The following COL25A1 variants were observed in gnomAD, a reference collection of about 807,000 sequenced individuals.
The protein encoded by COL25A1 is collagen alpha-1(XXV) chain.
A neutral mutation model predicts 128.4 loss-of-function variants in COL25A1; 103 were observed. The ratio of observed to expected loss-of-function variants is 0.80; its 90% CI spans 0.68 to 0.94. The LOEUF is 0.94. Ranked by LOEUF, COL25A1 falls within the 40% of genes least tolerant of loss-of-function variation. COL25A1 has a pLI of 0.00. For synonymous variants in COL25A1, 279 were observed against 277.2 expected (o/e 1.01, Z -0.06); for missense variants, 745 against 840.0 (o/e 0.89, Z 1.40).
chr4:108,882,825 C>T (rs898364355), intron 19 of COL25A1, among the ~76,000 whole-genome samples: 1 of 152,054 alleles, frequency 6.6e-6, no homozygotes, highest in Non-Finnish European at 1.5e-5. Flanking sequence ...AAAGATAGAA[C>T]TAAAATTGCT....
At chr4:109,161,669 T>C (rs1375010340) in intron 3 of COL25A1, among the ~76,000 whole-genome samples, 1 of 152,232 alleles carries the variant, frequency 6.6e-6, no homozygotes, top group African/African-American at 2.4e-5. Context: ...TTTTTCCATG[T>C]TTAAACTCTG....
intron 5 of COL25A1, among the ~76,000 whole-genome samples, chr4:109,016,634 C>CTGCAGAAAGGAGCTACCACT (rs542960479): frequency 6.6e-4 from 100 of 152,364 alleles, no homozygotes; most frequent in African/African-American, 2.3e-3. Context: ...GGACTACCAC[C>CTGCAGAAAGGAGCTACCACT]TGCAGAAAGG....
chr4:109,054,177 G>A (rs1761245759), intron 3 of COL25A1, among the ~76,000 whole-genome samples: 1 of 152,132 alleles, frequency 6.6e-6, no homozygotes, highest in Non-Finnish European at 1.5e-5. Flanking sequence ...GATAAAAGTT[G>A]ACTATATGTG....
chr4:108,829,415 CT>C (rs1732801886), intron 32 of COL25A1, among the ~76,000 whole-genome samples: 4 of 151,782 alleles, frequency 2.6e-5, no homozygotes, highest in Admixed American at 2.6e-4. Context: ...ATCTATCTAT[CT>C]ATCTATCTAT....
intron 3 of COL25A1, among the ~76,000 whole-genome samples, chr4:109,152,056 A>C (rs1440972091): frequency 6.6e-6 from 1 of 151,740 alleles, no homozygotes; most frequent in Non-Finnish European, 1.5e-5. Flanking sequence ...TTCAGATTAT[A>C]TGAACAGTTA....
intron 32 of COL25A1, among the ~76,000 whole-genome samples, chr4:108,830,956 T>C: frequency 6.6e-6 from 1 of 152,250 alleles, no homozygotes; most frequent in Non-Finnish European, 1.5e-5. Context: ...GGTTTGATCT[T>C]AGAAATATGA....
At chr4:109,211,221 A>G (rs28545068) in intron 3 of COL25A1, among the ~76,000 whole-genome samples, 66,475 of 143,542 alleles carry the variant, frequency 0.46, 18,925 homozygotes, top group African/African-American at 0.79. Flanking sequence ...ATATATATAT[A>G]TTGTGTGTGT....
Position 108,974,520 on chromosome 4 carries a change from T to C in COL25A1, c.465+13A>G, listed in dbSNP as rs1359967773. 2 of 1,610,816 alleles carry C rather than the reference T, an allele frequency of 1.2e-6. No individual in the cohort carries two copies. Among genetic ancestry groups the C allele is most frequent in the Middle Eastern group, 1.7e-4 (1 of 6,042 alleles). ...ATCTTCACTAACTTTATTTCTGGTA[T>C]GCATTTTCTTACCTTATCGCCTTTT... On this transcript the variant is annotated intron_variant, in intron 7 of 37. Transcript: ENST00000399132.
rs978321720 is a variant in COL25A1, at chr4:109,088,868, G to A, written c.368-38689C>T. On this transcript the variant is annotated intron_variant, in intron 3 of 37. Transcript: ENST00000399132. ...TAGGAGAATAAAGACAGTGATTATA[G>A]AGAACTCTTTCAAGCAGTTTCCTCT... is the stretch of plus-strand genomic sequence containing the variant. 2.6e-5 allele frequency among the ~76,000 whole-genome samples: 4 copies of A among 152,204 alleles called. 1 individual carries two copies. Among genetic ancestry groups the A allele is most frequent in the South Asian group, 4.1e-4 (2 of 4,826 alleles).
At chr4:109,265,573 C>T (rs994200889) in intron 3 of COL25A1, among the ~76,000 whole-genome samples, 1 of 125,692 alleles carries the variant, frequency 8.0e-6, no homozygotes, top group Non-Finnish European at 1.8e-5. Flanking sequence ...GTGTGTTAAA[C>T]AGGAGCAGGA....
At chr4:109,218,177 C>T (rs41395650) in intron 3 of COL25A1, among the ~76,000 whole-genome samples, 13,235 of 151,988 alleles carry the variant, frequency 0.087, 1,211 homozygotes, top group African/African-American at 0.23. Flanking sequence ...CCAGTAATGG[C>T]GAAAATGAAC....
rs1199944880 is a variant in COL25A1 at position 108,886,486 on chromosome 4, G to GTTTTTTTTTTTT, written c.976-2265_976-2264insAAAAAAAAAAAA. ...TGTGTGTGTGTGTGTGTGTGTGTGT[G>GTTTTTTTTTTTT]TGTGTGTTTAGCTCATCAGCTATTT... On this transcript the variant is annotated intron_variant, in intron 18 of 37. Transcript: ENST00000399132. Among the ~76,000 whole-genome samples the GTTTTTTTTTTTT allele has an allele frequency of 2.2e-3, 177 of 79,914 alleles. 3 individuals carry two copies. The highest frequency in any genetic ancestry group is 7.1e-3 in the African/African-American group (165 of 23,246). The allele number at this position is 79,914 out of a possible 152,430, so 52.4% of individuals were successfully genotyped here.
intron 3 of COL25A1, among the ~76,000 whole-genome samples, chr4:109,255,149 T>C (rs545911508): frequency 6.6e-6 from 1 of 152,316 alleles, no homozygotes; most frequent in Non-Finnish European, 1.5e-5. Flanking sequence ...TGATGGGAGA[T>C]CTCTGCCACT....
At position 109,247,108 on chromosome 4, in the gene COL25A1, A is replaced by G. The variant is rs372089045; in HGVS notation, c.367+53475T>C. Among the ~76,000 whole-genome samples the G allele has an allele frequency of 8.5e-5, 13 of 152,374 alleles. No homozygotes were observed. The East Asian group carries it at 1.5e-3, about 18-fold the overall frequency. ...GCTGGGTGTGGTGGTTCATGCCTGT[A>G]ATCCCAGCACTTTGGGAGGCCGAGG... On this transcript the variant is annotated intron_variant, in intron 3 of 37. Coordinates refer to ENST00000399132, the MANE Select transcript of COL25A1 (RefSeq NM_198721.4).
chr4:109,271,832 T>A (rs1782217623), intron 3 of COL25A1, among the ~76,000 whole-genome samples: 1 of 152,180 alleles, frequency 6.6e-6, no homozygotes, highest in African/African-American at 2.4e-5. Context: ...TTTCAAAGAA[T>A]TTGCAGGAAA....
chr4:109,185,764 T>A (rs1775075941), intron 3 of COL25A1, among the ~76,000 whole-genome samples: 1 of 152,096 alleles, frequency 6.6e-6, no homozygotes, highest in South Asian at 2.1e-4. Flanking sequence ...CCTCTCCCTT[T>A]CCCTGTCCCA....
At chr4:108,913,898 A>ATG (rs917527551) in intron 13 of COL25A1, among the ~76,000 whole-genome samples, 12 of 152,170 alleles carry the variant, frequency 7.9e-5, no homozygotes, top group Non-Finnish European at 1.6e-4. Flanking sequence ...CACTTCATGT[A>ATG]TGTGTGAGTG....
At chr4:109,006,572 T>G (rs779290930) in intron 6 of COL25A1, among the ~76,000 whole-genome samples, 13 of 151,850 alleles carry the variant, frequency 8.6e-5, no homozygotes, top group African/African-American at 1.5e-4. Context: ...TATTACTTAT[T>G]AATACACTGC....
At chr4:109,127,471 C>A (rs1295307833) in intron 3 of COL25A1, among the ~76,000 whole-genome samples, 1 of 152,092 alleles carries the variant, frequency 6.6e-6, no homozygotes, top group Non-Finnish European at 1.5e-5. Context: ...TGTCCTCAGA[C>A]AAGTTACTTT....
Sources: allele counts gnomAD v4.1 joint callset (sites outside exome capture counted in the v4.1 genomes callset), GRCh38; gene constraint gnomAD v4.1.1; transcripts MANE v1.5; gene names NCBI Gene and HGNC (gene_info 2026-07-23, HGNC 2026-07-21).